The following ADAM22 variants were observed in gnomAD, a reference collection of about 807,000 sequenced individuals.
ADAM22 encodes the protein ADAM metallopeptidase domain 22, also known as disintegrin and metalloproteinase domain-containing protein 22.
ADAM22 carries 65 observed loss-of-function variants against 144.6 expected under a neutral mutation model. The ratio of observed to expected loss-of-function variants is 0.45; its 90% CI spans 0.37 to 0.55. The LOEUF is 0.55. Among genes scored for constraint, ADAM22 ranks in the 20% least tolerant of loss-of-function variants. The pLI, the probability that ADAM22 is intolerant of heterozygous loss-of-function variation, is 0.00. For synonymous variants in ADAM22, 391 were observed against 412.6 expected, an observed-to-expected ratio of 0.95 and a Z score of 0.63; for missense variants, 974 against 1,184.9, an observed-to-expected ratio of 0.82 and a Z score of 2.61.
chr7:87,978,155 A>C (rs574297419), intron 2 of ADAM22, among the ~76,000 whole-genome samples, 181 bp from the exon 3 acceptor site: 1 of 152,334 alleles, frequency 6.6e-6, no homozygotes, highest in South Asian at 2.1e-4. Context: ...TTTACTTCAC[A>C]TTGGTGAATG....
chr7:88,019,628 A>G (rs1186198981), intron 3 of ADAM22, among the ~76,000 whole-genome samples: 2 of 152,144 alleles, frequency 1.3e-5, no homozygotes, highest in Admixed American at 6.5e-5. Flanking sequence ...CAGGTGGATC[A>G]CCTGAGGTCA....
intron 2 of ADAM22, among the ~76,000 whole-genome samples, chr7:87,949,420 A>G (rs1309694756): frequency 6.6e-6 from 1 of 152,230 alleles, no homozygotes; most frequent in Non-Finnish European, 1.5e-5. Context: ...CACTGTGACA[A>G]AATCATTCAT....
chr7:88,027,383 C>G (rs1799237339), intron 3 of ADAM22, among the ~76,000 whole-genome samples: 1 of 152,104 alleles, frequency 6.6e-6, no homozygotes, highest in Non-Finnish European at 1.5e-5. Context: ...TGCTGAGAGA[C>G]TTTTTAATTA....
chr7:87,939,851 A>G (rs924329675), intron 2 of ADAM22, among the ~76,000 whole-genome samples: 1 of 152,160 alleles, frequency 6.6e-6, no homozygotes, highest in Non-Finnish European at 1.5e-5. Flanking sequence ...GATAGAAGAG[A>G]ACTTATAGGT....
At chr7:87,954,828 G>T (rs1354733189) in intron 2 of ADAM22, among the ~76,000 whole-genome samples, 1 of 152,156 alleles carries the variant, frequency 6.6e-6, no homozygotes, top group Non-Finnish European at 1.5e-5. Context: ...ATTTCTTGGA[G>T]GCTTTGCTCA....
intron 4 of ADAM22, among the ~76,000 whole-genome samples, chr7:88,083,290 A>G (rs997287880): frequency 3.2e-4 from 48 of 152,172 alleles, no homozygotes; most frequent in African/African-American, 1.1e-3. Context: ...TTGAACAGTG[A>G]GAACACATGG....
At chr7:88,010,605 C>T (rs1795134670) in intron 3 of ADAM22, among the ~76,000 whole-genome samples, 2 of 152,270 alleles carry the variant, frequency 1.3e-5, no homozygotes, top group African/African-American at 4.8e-5. Flanking sequence ...TCTTTTCCAG[C>T]TCCTAGTGGG....
At position 88,201,409 on chromosome 7, in the gene ADAM22, T is replaced by C. The variant is rs1851192980; in HGVS notation, c.*4918T>C. 6.6e-6 allele frequency: 1 copy of C among 152,230 alleles called. No individual in the cohort carries two copies. Among genetic ancestry groups the C allele is most frequent in the African/African-American group, 2.4e-5 (1 of 41,444 alleles). The allele number at this position is 152,230 out of a possible 1,614,324, so 9.4% of individuals were successfully genotyped here. A position where few individuals can be genotyped will look rare whatever the true frequency, so the allele number is the denominator to read the frequency against. On this transcript the variant is annotated 3_prime_UTR_variant, in exon 32 of 32. Transcript: ENST00000413139. ...GAACTTTGGGAGACCATGGGGCATT[T>C]AGTCCTGGCATAGACACAGAATGGA... is the stretch of plus-strand genomic sequence containing the variant.
At chr7:88,019,302 T>C (rs1434469179) in intron 3 of ADAM22, among the ~76,000 whole-genome samples, 1 of 151,820 alleles carries the variant, frequency 6.6e-6, no homozygotes, top group African/African-American at 2.4e-5. Context: ...GGTGAAACTC[T>C]GTCTCTATTA....
At chr7:87,992,807 G>A (rs976059906) in intron 3 of ADAM22, among the ~76,000 whole-genome samples, 13 of 152,062 alleles carry the variant, frequency 8.5e-5, no homozygotes, top group African/African-American at 2.7e-4. Context: ...TAGCCATGCT[G>A]CTTTGTCATT....
intron 26 of ADAM22, among the ~76,000 whole-genome samples, chr7:88,177,669 TA>T (rs1283070638): frequency 1.3e-5 from 2 of 152,188 alleles, no homozygotes; most frequent in Admixed American, 1.3e-4. Context: ...TAAATAGCAT[TA>T]AAATAATATG....
At chr7:88,074,464 A>G (rs1813664351) in intron 3 of ADAM22, among the ~76,000 whole-genome samples, 2 of 152,216 alleles carry the variant, frequency 1.3e-5, no homozygotes. Context: ...ATCAAGTAGA[A>G]CTGAATATCC....
intron 6 of ADAM22, among the ~76,000 whole-genome samples, chr7:88,115,640 C>T (rs1419219064): frequency 6.6e-6 from 1 of 152,208 alleles, no homozygotes; most frequent in Non-Finnish European, 1.5e-5. Flanking sequence ...CAGGCCTTAT[C>T]TCCAGACAAA....
At chr7:88,133,362 CTAAA>C (rs3085472) in intron 12 of ADAM22, among the ~76,000 whole-genome samples, 54,741 of 141,910 alleles carry the variant, frequency 0.39, 12,103 homozygotes, top group East Asian at 0.84. Flanking sequence ...GACCCTGTCT[CTAAA>C]TAAATAAATA....
At position 87,935,072 on chromosome 7, in the gene ADAM22, C is replaced by A; in HGVS notation, c.132C>A (p.Phe44Leu). ...MELEKRKENR[F>L]VERQSIVPLR... ...TAGAGAAGAGGAAGGAAAACCGCTT[C>A]GTGGAGCGCCAGAGCATCGTGCCAC... The change falls in exon 2 of 32, where the codon TTC (phenylalanine) becomes TTA (leucine). Residue 44 changes from phenylalanine (F) to leucine (L), a missense_variant. By Grantham distance (22) the Phe-to-Leu change is conservative. Coordinates refer to ENST00000413139, the MANE Select transcript of ADAM22 (RefSeq NM_001324418.2). 1.2e-6 allele frequency: 2 copies of A among 1,614,166 alleles called. No individual in the cohort carries two copies. Among genetic ancestry groups the A allele is most frequent in the South Asian group, 1.1e-5 (1 of 91,086 alleles).
intron 3 of ADAM22, among the ~76,000 whole-genome samples, chr7:87,981,508 G>A (rs987816316): frequency 6.6e-6 from 1 of 152,134 alleles, no homozygotes; most frequent in African/African-American, 2.4e-5. Context: ...GTCAGCAGAT[G>A]GGGTTGCCCA....
intron 2 of ADAM22, among the ~76,000 whole-genome samples, chr7:87,939,097 T>C (rs1841956362): frequency 1.3e-5 from 2 of 152,222 alleles, no homozygotes; most frequent in Non-Finnish European, 2.9e-5. Context: ...TACTTTGCCT[T>C]GTGATTTTCT....
At chr7:88,054,571 C>T (rs1003243361) in intron 3 of ADAM22, among the ~76,000 whole-genome samples, 16 of 147,684 alleles carry the variant, frequency 1.1e-4, no homozygotes, top group Admixed American at 3.4e-4. Context: ...ACTTTCCAGG[C>T]CTGATTAGGT....
intron 3 of ADAM22, among the ~76,000 whole-genome samples, chr7:88,055,368 A>G (rs1309563620): frequency 6.6e-6 from 1 of 152,014 alleles, no homozygotes; most frequent in Non-Finnish European, 1.5e-5. Flanking sequence ...CTCATCTCAA[A>G]AAAAAAAATC....
Sources: allele counts gnomAD v4.1 joint callset (sites outside exome capture counted in the v4.1 genomes callset), GRCh38; gene constraint gnomAD v4.1.1; transcripts MANE v1.5; gene names NCBI Gene and HGNC (gene_info 2026-07-23, HGNC 2026-07-21).